The following PCNT variants were observed in gnomAD, a reference collection of about 807,000 sequenced individuals.
PCNT encodes kendrin.
A neutral mutation model predicts 380.4 loss-of-function variants in PCNT; 319 were observed. That is an observed-to-expected ratio of 0.84 (90% CI 0.77 to 0.92). The LOEUF (loss-of-function observed/expected upper bound fraction) is 0.92. Ranked by LOEUF, PCNT falls within the 40% of genes least tolerant of loss-of-function variation. The probability of loss-of-function intolerance (pLI) is 0.00; values close to 1 mark genes in which losing one functional copy is unlikely to be tolerated. For synonymous variants in PCNT, 1,845 were observed against 1,735.2 expected (o/e 1.06, Z -1.57); for missense variants, 4,400 against 4,255.3 (o/e 1.03, Z -0.95).
rs192261464 is a variant in PCNT, at chr21:46,334,061, T to C, written c.268-336T>C. Among the ~76,000 whole-genome samples, 788 of 151,668 alleles carry C rather than the reference T, an allele frequency of 5.2e-3. 6 individuals are homozygous for C. The highest frequency in any genetic ancestry group is 5.1e-3 in the Non-Finnish European group (348 of 67,860). ...CTCTACTAAAAATACAAAAATTAGC[T>C]GGGCGTGGTGGCGGGCACCCATAGT... is the stretch of plus-strand genomic sequence containing the variant. On this transcript the variant is annotated intron_variant, in intron 2 of 46. Transcript: ENST00000359568.
intron 9 of PCNT, among the ~76,000 whole-genome samples, chr21:46,352,188 G>A (rs563719895): frequency 6.6e-6 from 1 of 152,360 alleles, no homozygotes; most frequent in South Asian, 2.1e-4. Context: ...TGCCGACAGA[G>A]CCTTTTGGCC....
chr21:46,387,778 G>A (rs1250257164), intron 17 of PCNT, among the ~76,000 whole-genome samples: 1 of 152,134 alleles, frequency 6.6e-6, no homozygotes, highest in Non-Finnish European at 1.5e-5. Flanking sequence ...ACAGAGCTGT[G>A]AGCAGAGTAG....
intron 2 of PCNT, 129 bp from the exon 3 acceptor site, chr21:46,334,268 C>A: frequency 1.6e-6 from 2 of 1,248,730 alleles, no homozygotes; most frequent in Non-Finnish European, 1.2e-6. Context: ...ACGTTCTGAA[C>A]AGGTGGAAGT....
intron 29 of PCNT, among the ~76,000 whole-genome samples, chr21:46,414,800 T>A (rs2086953221): frequency 6.8e-6 from 1 of 146,388 alleles, no homozygotes; most frequent in African/African-American, 2.6e-5. Flanking sequence ...ACTCTCCTCC[T>A]CCTGGACATG....
rs368614001 is a variant in PCNT at position 46,324,296 on chromosome 21, G to A, written c.54+14G>A. On this transcript the variant is annotated intron_variant, in intron 1 of 46. Transcript: ENST00000359568. ...GGGAGGACGAAGGTAAACATTAGGG[G>A]CTTCTTCTCTAGCTGCTCTGGCGTG... 11 of 1,601,108 alleles carry A rather than the reference G, an allele frequency of 6.9e-6. No individual in the cohort carries two copies. Among genetic ancestry groups the A allele is most frequent in the East Asian group, 4.5e-5 (2 of 44,600 alleles).
chr21:46,373,447 T>G (rs1186293950), intron 15 of PCNT, among the ~76,000 whole-genome samples: 1 of 150,308 alleles, frequency 6.7e-6, no homozygotes, highest in Non-Finnish European at 1.5e-5. Flanking sequence ...TTTTTTTTTT[T>G]TTTGAGACAG....
rs1223320671 is a variant in PCNT, at chr21:46,389,126, G to A, written c.3608-73G>A. The stretch of plus-strand genomic sequence containing the variant: ...ACGTTCTGAGTTCTGTGGCTTCCTT[G>A]TCGTCTTGGCTGCCATGGCCGCGGC... On this transcript the variant is annotated intron_variant, in intron 18 of 46. Coordinates refer to ENST00000359568, the MANE Select transcript of PCNT (RefSeq NM_006031.6). 4.8e-6 allele frequency: 7 copies of A among 1,466,214 alleles called. No individual in the cohort carries two copies. In the African/African-American group the frequency reaches 8.3e-5, roughly 17 times the overall value. 90.8% of individuals were successfully genotyped at this position (1,466,214 alleles called of 1,614,324 possible). A position where few individuals can be genotyped will look rare whatever the true frequency, so the allele number is the denominator to read the frequency against.
chr21:46,370,891 C>G (rs2085100082), intron 15 of PCNT, among the ~76,000 whole-genome samples: 1 of 152,168 alleles, frequency 6.6e-6, no homozygotes, highest in Non-Finnish European at 1.5e-5. Flanking sequence ...AAAAATTAGA[C>G]AGGCATGGTG....
rs115871241 is a variant in PCNT at position 46,443,358 on chromosome 21, T to G, written c.9701-452T>G. 7.7e-3 allele frequency among the ~76,000 whole-genome samples: 1,168 copies of G among 152,338 alleles called. 14 individuals carry two copies. The highest frequency in any genetic ancestry group is 0.027 in the African/African-American group (1,109 of 41,566). ...TCAGCCTCCCCAGTACCTGGGACTG[T>G]GGGCATGAGCACTGCGCCTGGCAGC... is the stretch of plus-strand genomic sequence containing the variant. On this transcript the variant is annotated intron_variant, in intron 44 of 46. Transcript: ENST00000359568.
intron 18 of PCNT, 115 bp from the exon 19 acceptor site, chr21:46,389,084 T>G: frequency 2.3e-6 from 3 of 1,286,642 alleles, no homozygotes; most frequent in Non-Finnish European, 3.3e-6. Flanking sequence ...TGGCGCTGAC[T>G]CATCTCGGCT....
Position 46,399,826 on chromosome 21 carries a change from CGTG to C in PCNT, c.4791+34_4791+36del. The C allele has an allele frequency of 6.3e-6, 10 of 1,585,620 alleles. No individual in the cohort carries two copies. In the African/African-American group the frequency reaches 9.4e-5, roughly 15 times the overall value. ...AGCGTCTCCATGTTGTGGTTGGGCA[CGTG>C]GTGAGGTGTCCCGCAGGCATGGCTT... On this transcript the variant is annotated intron_variant, in intron 25 of 46. Coordinates refer to ENST00000359568, the MANE Select transcript of PCNT (RefSeq NM_006031.6).
intron 2 of PCNT, among the ~76,000 whole-genome samples, chr21:46,328,793 A>G (rs2083469257): frequency 6.8e-6 from 1 of 147,658 alleles, no homozygotes; most frequent in Admixed American, 6.8e-5. Flanking sequence ...TTTTTCTTTA[A>G]GGCGAAGTCT....
intron 2 of PCNT, among the ~76,000 whole-genome samples, chr21:46,328,814 T>C (rs2083470087): frequency 7.1e-6 from 1 of 140,838 alleles, no homozygotes; most frequent in African/African-American, 2.7e-5. Context: ...CACTCTGTCA[T>C]CCAGGCTGGA....
At chr21:46,423,895 GA>G (rs1405079297) in intron 32 of PCNT, among the ~76,000 whole-genome samples, 3 of 151,974 alleles carry the variant, frequency 2.0e-5, no homozygotes, top group African/African-American at 7.3e-5. Flanking sequence ...CTCCAGCTTT[GA>G]AAGGTCCCAA....
At position 46,405,019 on chromosome 21, in the gene PCNT, G is replaced by A. The variant is rs987178585; in HGVS notation, c.5115+2536G>A. Among the ~76,000 whole-genome samples the A allele has an allele frequency of 3.9e-5, 6 of 152,134 alleles. No individual in the cohort carries two copies. In the East Asian group the frequency reaches 5.8e-4, roughly 15 times the overall value. Reference sequence around the variant, plus strand: ...TTTGGGAACCTGAGGTGGGAGGATCGTTTGAGCCCAGGAATTCGAGATCAG... The same window carrying A: ...TTTGGGAACCTGAGGTGGGAGGATCATTTGAGCCCAGGAATTCGAGATCAG... On this transcript the variant is annotated intron_variant, in intron 27 of 46. Coordinates refer to ENST00000359568, the MANE Select transcript of PCNT (RefSeq NM_006031.6).
intron 45 of PCNT, 92 bp from the exon 46 acceptor site, chr21:46,444,602 T>G (rs919342134): frequency 3.4e-6 from 5 of 1,452,562 alleles, no homozygotes; most frequent in Admixed American, 1.8e-5. Flanking sequence ...GCTGGTGCCT[T>G]TCTTCTGCAC....
intron 8 of PCNT, among the ~76,000 whole-genome samples, chr21:46,350,033 G>A (rs184427924): frequency 3.3e-5 from 5 of 152,234 alleles, no homozygotes; most frequent in African/African-American, 9.6e-5. Flanking sequence ...ACAAAAATTA[G>A]CCAGGCATGG....
At position 46,399,742 on chromosome 21, in the gene PCNT, C is replaced by G; in HGVS notation, c.4737C>G (p.Ala1579=). The G allele has an allele frequency of 1.9e-6, 3 of 1,614,010 alleles. No homozygotes were observed. Among genetic ancestry groups the G allele is most frequent in the East Asian group, 2.2e-5 (1 of 44,888 alleles). Residue 1579 remains alanine (A), a synonymous_variant, in exon 25 of 47, where the codon GCC becomes GCG. Coordinates refer to ENST00000359568, the MANE Select transcript of PCNT (RefSeq NM_006031.6). ...EMNINIRKKV[A]QLQEEVEKQK... Reference sequence around the variant, plus strand: ...ACATCAACATCAGGAAAAAAGTGGCCCAGCTCCAGGAAGAAGTGGAAAAAC... The same window carrying G: ...ACATCAACATCAGGAAAAAAGTGGCGCAGCTCCAGGAAGAAGTGGAAAAAC...
At chr21:46,351,266 C>T (rs983684468) in intron 8 of PCNT, among the ~76,000 whole-genome samples, 163 bp from the exon 9 acceptor site, 1 of 152,190 alleles carries the variant, frequency 6.6e-6, no homozygotes, top group Non-Finnish European at 1.5e-5. Context: ...ACGGACAGAG[C>T]TCTCTCGGTC....
Sources: gnomAD v4.1 joint callset for allele counts (sites outside exome capture counted in the v4.1 genomes callset) on GRCh38, gnomAD v4.1.1 for gene constraint, MANE v1.5 for transcripts, NCBI Gene and HGNC (gene_info 2026-07-23, HGNC 2026-07-21) for gene names.